MEX3A: variants seen among roughly 807,000 people sequenced by gnomAD.
MEX3A encodes the protein RNA-binding protein MEX3A.
A neutral mutation model predicts 30.0 loss-of-function variants in MEX3A; 4 were observed. The ratio of observed to expected loss-of-function variants is 0.13; its 90% CI spans 0.07 to 0.30. The LOEUF is 0.30. Ranked by LOEUF, MEX3A falls within the 10% of genes least tolerant of loss-of-function variation. MEX3A has a pLI of 1.00. For missense variants in MEX3A, 555 were observed against 736.7 expected (o/e 0.75, Z 2.86); for synonymous variants, 335 against 327.6 (o/e 1.02, Z -0.24).
Position 156,074,357 on chromosome 1 carries a change from G to A in MEX3A, c.*2217C>T, listed in dbSNP as rs1572297111. 1.4e-5 allele frequency: 2 copies of A among 146,804 alleles called. No homozygotes were observed. Among genetic ancestry groups the A allele is most frequent in the African/African-American group, 2.5e-5 (1 of 39,558 alleles). 9.1% of individuals were successfully genotyped at this position (146,804 alleles called of 1,614,324 possible). On this transcript the variant is annotated 3_prime_UTR_variant, in exon 2 of 2. Transcript: ENST00000532414. ...CCAGGTTCTTTGCTACATTTATATG[G>A]TAATAAACGCCTTTATTAAAATAGA...
chr1:156,081,956 C>A lies in MEX3A; in HGVS notation c.43G>T (p.Gly15Cys). The change falls in exon 1 of 2, where the codon GGC becomes TGC. Residue 15 changes from glycine (G) to cysteine (C), a missense_variant. By Grantham distance (159) the Gly-to-Cys change is radical (BLOSUM62 -3). Transcript: ENST00000532414. ...VVSGIMERNG[G>C]FGELGCFGGS... The stretch of plus-strand genomic sequence containing the variant: ...CCGAAACATCCTAGTTCTCCAAAGC[C>A]CCCATTTCTTTCCATTATTCCAGAT... The A allele has an allele frequency of 6.5e-7, 1 of 1,538,326 alleles. No homozygotes were observed. Among genetic ancestry groups the A allele is most frequent in the South Asian group, 1.2e-5 (1 of 82,282 alleles).
rs1336417867 is a variant in MEX3A, at chr1:156,074,054, C to T, written c.*2520G>A. The T allele has an allele frequency of 2.0e-5, 3 of 152,522 alleles. No homozygotes were observed. The highest frequency in any genetic ancestry group is 2.0e-4 in the Admixed American group (3 of 15,266). The allele number at this position is 152,522 out of a possible 1,614,324, so 9.4% of individuals were successfully genotyped here. On this transcript the variant is annotated 3_prime_UTR_variant, in exon 2 of 2. Transcript: ENST00000532414. Reference sequence around the variant, plus strand: ...TCCCCCAGCTCCTCTCTCCACCATTCACCCCCGGGATGCTCCCCCAAGAAA... The same window carrying T: ...TCCCCCAGCTCCTCTCTCCACCATTTACCCCCGGGATGCTCCCCCAAGAAA...
rs1648101346 is a variant in MEX3A at position 156,077,178 on chromosome 1, G to A, written c.959C>T (p.Ala320Val). Residue 320 changes from alanine (A) to valine (V), a missense_variant, in exon 2 of 2, where the codon GCC becomes GTC. Transcript: ENST00000532414. This position sits in a 1 kb window ranked among gnomAD's most constrained non-coding sequence, Gnocchi z 8.3. Reference sequence around the variant, plus strand: ...GCAGCCGGGCTGGTGCACCCGCCAGGCGTCGGAGTAGCGGCTATCGATTGC... The same window carrying A: ...GCAGCCGGGCTGGTGCACCCGCCAGACGTCGGAGTAGCGGCTATCGATTGC... ...DAAIDSRYSD[A>V]WRVHQPGCKP... is the part of the protein sequence containing the mutation. 4 of 1,613,486 alleles carry A rather than the reference G, an allele frequency of 2.5e-6. No homozygotes were observed. The East Asian group carries it at 8.9e-5, about 36-fold the overall frequency.
At position 156,076,930 on chromosome 1, in the gene MEX3A, C is replaced by G; in HGVS notation, c.1207G>C (p.Val403Leu). 1 of 1,598,856 alleles carries G rather than the reference C, an allele frequency of 6.3e-7. No individual in the cohort carries two copies. Reference sequence around the variant, plus strand: ...GAGGAGGAGGCAGAGGAGAAGAGCACGGAGGTGGGCGTGGCGTTCTCCTGG... The same window carrying G: ...GAGGAGGAGGCAGAGGAGAAGAGCAGGGAGGTGGGCGTGGCGTTCTCCTGG... ...AGQENATPTS[V>L]LFSSASSSSS... Residue 403 changes from valine (V) to leucine (L), a missense_variant, in exon 2 of 2, where the codon GTG becomes CTG. Physicochemically the swap from Val to Leu is conservative, Grantham distance 32. Transcript: ENST00000532414. This position sits in a 1 kb window ranked among gnomAD's most constrained non-coding sequence, Gnocchi z 6.0.
Position 156,077,270 on chromosome 1 carries a change from C to G in MEX3A, c.867G>C (p.Ala289=). The change falls in exon 2 of 2, where the codon GCG becomes GCC. Residue 289 remains alanine (A), a synonymous_variant. Transcript: ENST00000532414. The surrounding 1 kb of genome is among the most constrained non-coding windows in gnomAD (Gnocchi z 8.3). ...RAREEIETHI[A]VRTGKILEYN... is the part of the protein sequence containing the mutation. ...ACTCGAGGATCTTGCCAGTGCGCAC[C>G]GCGATGTGCGTCTCGATCTCCTCGC... 1.2e-6 allele frequency: 2 copies of G among 1,613,918 alleles called. No individual in the cohort carries two copies. Among genetic ancestry groups the G allele is most frequent in the Non-Finnish European group, 1.7e-6 (2 of 1,179,858 alleles).
At chr1:156,080,711 C>A (rs1415999779) in intron 1 of MEX3A, among the ~76,000 whole-genome samples, 4 of 151,916 alleles carry the variant, frequency 2.6e-5, no homozygotes, top group African/African-American at 9.7e-5. Context: ...TTCTGCACCC[C>A]CTCCCAACAC....
chr1:156,081,674 C>T lies in MEX3A; in HGVS notation c.325G>A (p.Gly109Arg), dbSNP rs1270092236. The change falls in exon 1 of 2, where the codon GGG (glycine) becomes AGG (arginine). Residue 109 changes from glycine to arginine, a missense_variant. Physicochemically the swap from Gly to Arg is moderately radical, Grantham distance 125. Coordinates refer to ENST00000532414, the MANE Select transcript of MEX3A (RefSeq NM_001093725.2). Reference protein sequence around the residue: ...QTPQPPTAPKGASDAKLCALY... With the variant: ...QTPQPPTAPKRASDAKLCALY... The stretch of plus-strand genomic sequence containing the variant: ...GCGCAGAGCTTGGCGTCGCTCGCCC[C>T]TTTGGGGGCGGTGGGGGGCTGGGGC... The T allele has an allele frequency of 3.4e-6, 5 of 1,490,566 alleles. No individual in the cohort carries two copies. Among genetic ancestry groups the T allele is most frequent in the Non-Finnish European group, 4.5e-6 (5 of 1,120,186 alleles). The allele number at this position is 1,490,566 out of a possible 1,614,324, so 92.3% of individuals were successfully genotyped here. A position where few individuals can be genotyped will look rare whatever the true frequency, so the allele number is the denominator to read the frequency against.
chr1:156,076,413 G>GT lies in MEX3A; in HGVS notation c.*160_*161insA. On this transcript the variant is annotated 3_prime_UTR_variant, in exon 2 of 2. Coordinates refer to ENST00000532414, the MANE Select transcript of MEX3A (RefSeq NM_001093725.2). This position sits in a 1 kb window ranked among gnomAD's most constrained non-coding sequence, Gnocchi z 6.0. ...AGGGTGACCAGAGGCTCTGAAAGTG[G>GT]CGCACCCTCCAGCCACCACTGCCTC... 1.4e-6 allele frequency: 1 copy of GT among 717,270 alleles called. No individual in the cohort carries two copies. The highest frequency in any genetic ancestry group is 2.1e-5 in the South Asian group (1 of 47,850). 44.4% of individuals were successfully genotyped at this position (717,270 alleles called of 1,614,324 possible). A position where few individuals can be genotyped will look rare whatever the true frequency, so the allele number is the denominator to read the frequency against.
At position 156,081,716 on chromosome 1, in the gene MEX3A, CCGCCGTCGGGGCGGCCGGGGG is replaced by C. The variant is rs1162190911; in HGVS notation, c.262_282del (p.Pro88_Ala94del). ...GGCTGGGGCGTCTGCGCTGCGGGGG[CCGCCGTCGGGGCGGCCGGGGG>C]CGCCGCGGGCGGCGGCGGCGGGGCC... On this transcript the variant is annotated inframe_deletion, in exon 1 of 2. Transcript: ENST00000532414. 2.7e-6 allele frequency: 3 copies of C among 1,111,384 alleles called. No homozygotes were observed. The highest frequency in any genetic ancestry group is 3.8e-5 in the South Asian group (1 of 26,068). The allele number at this position is 1,111,384 out of a possible 1,614,324, so 68.8% of individuals were successfully genotyped here.
chr1:156,076,609 T>C lies in MEX3A; in HGVS notation c.1528A>G (p.Ile510Val), dbSNP rs2102776176. 6.2e-7 allele frequency: 1 copy of C among 1,613,450 alleles called. No homozygotes were observed. The highest frequency in any genetic ancestry group is 8.5e-7 in the Non-Finnish European group (1 of 1,179,570). The change falls in exon 2 of 2, where the codon ATC becomes GTC. Residue 510 changes from isoleucine (I) to valine (V), a missense_variant. Physicochemically the swap from Ile to Val is conservative, Grantham distance 29 (BLOSUM62 3). Around this residue, in one of 6 missense-constraint regions of MEX3A, gnomAD observed 15 missense variants for 59.4 expected, o/e 0.25. Transcript: ENST00000532414. The surrounding 1 kb of genome is among the most constrained non-coding windows in gnomAD (Gnocchi z 6.0). ...RTDPECPVCH[I>V]TATQAIRIFS ...ATTCGGATGGCTTGCGTGGCTGTGA[T>C]GTGGCAGACGGGACACTCTGGGTCC...
intron 1 of MEX3A, among the ~76,000 whole-genome samples, chr1:156,078,592 A>G (rs961897513): frequency 6.6e-6 from 1 of 151,810 alleles, no homozygotes; most frequent in Admixed American, 6.6e-5. Context: ...AAATGAGACA[A>G]AGAGAGACAA....
chr1:156,081,921 A>G lies in MEX3A; in HGVS notation c.78T>C (p.Ala26=). ...FGELGCFGGS[A]KDRGLLEDER... ...CGTCTTCCAGCAGCCCTCGGTCCTTAGCGCTTCCCCCGAAACATCCTAGTT... is the reference window on the plus strand; with the variant it reads ...CGTCTTCCAGCAGCCCTCGGTCCTTGGCGCTTCCCCCGAAACATCCTAGTT... Residue 26 remains alanine, a synonymous_variant, in exon 1 of 2, where the codon GCT becomes GCC. Transcript: ENST00000532414. 1 of 1,529,806 alleles carries G rather than the reference A, an allele frequency of 6.5e-7. No homozygotes were observed. Among genetic ancestry groups the G allele is most frequent in the South Asian group, 1.2e-5 (1 of 82,128 alleles). The allele number at this position is 1,529,806 out of a possible 1,614,324, so 94.8% of individuals were successfully genotyped here.
intron 1 of MEX3A, among the ~76,000 whole-genome samples, chr1:156,079,695 C>T (rs1350494825): frequency 4.6e-5 from 7 of 152,168 alleles, no homozygotes; most frequent in Admixed American, 2.6e-4. Flanking sequence ...GTGAACTCCC[C>T]TCTCCTACCA....
Position 156,077,526 on chromosome 1 carries a change from C to T in MEX3A, c.611G>A (p.Arg204His). The T allele has an allele frequency of 6.2e-7, 1 of 1,612,436 alleles. No homozygotes were observed. The highest frequency in any genetic ancestry group is 8.5e-7 in the Non-Finnish European group (1 of 1,179,262). ...GGCGCCTGACTTGTTGCGGGAGGCA[C>T]GGATCATGGAGAAGTGCTCCGCTGC... Reference protein sequence around the residue: ...ISAAEHFSMIRASRNKSGAAF... With the variant: ...ISAAEHFSMIHASRNKSGAAF... The change falls in exon 2 of 2, where the codon CGT (arginine) becomes CAT (histidine). Residue 204 changes from arginine (R) to histidine (H), a missense_variant. By Grantham distance (29) the Arg-to-His change is conservative. Transcript: ENST00000532414. This position sits in a 1 kb window ranked among gnomAD's most constrained non-coding sequence, Gnocchi z 8.3.
At position 156,073,259 on chromosome 1, in the gene MEX3A, T is replaced by C. The variant is rs1426710675; in HGVS notation, c.*3315A>G. The C allele has an allele frequency of 6.5e-6, 1 of 152,868 alleles. No homozygotes were observed. The highest frequency in any genetic ancestry group is 1.5e-5 in the Non-Finnish European group (1 of 68,116). The allele number at this position is 152,868 out of a possible 1,614,324, so 9.5% of individuals were successfully genotyped here. A position where few individuals can be genotyped will look rare whatever the true frequency, so the allele number is the denominator to read the frequency against. On this transcript the variant is annotated 3_prime_UTR_variant, in exon 2 of 2. Coordinates refer to ENST00000532414, the MANE Select transcript of MEX3A (RefSeq NM_001093725.2). ...CCCAGGTACTAGGGGTGCAGGTGAA[T>C]GTGCTTGGCCTCCTCTGCTGCCCCC...
chr1:156,076,989 C>G lies in MEX3A; in HGVS notation c.1148G>C (p.Gly383Ala). ...YGVGKQDVYY[G>A]VAETSPPLWA... ...CAGCGGGGGGCTAGTCTCGGCCACG[C>G]CGTAGTACACATCCTGCTTGCCCAC... Residue 383 changes from glycine (G) to alanine (A), a missense_variant, in exon 2 of 2, where the codon GGC becomes GCC. Around this residue, in one of 6 missense-constraint regions of MEX3A, gnomAD observed 281 missense variants for 265.1 expected, o/e 1.06. Transcript: ENST00000532414. The surrounding 1 kb of genome is among the most constrained non-coding windows in gnomAD (Gnocchi z 6.0). The G allele has an allele frequency of 1.2e-6, 2 of 1,613,164 alleles. No homozygotes were observed. Among genetic ancestry groups the G allele is most frequent in the Non-Finnish European group, 1.7e-6 (2 of 1,179,712 alleles).
At chr1:156,078,074 C>T (rs1172364941) in intron 1 of MEX3A, among the ~76,000 whole-genome samples, 2 of 152,160 alleles carry the variant, frequency 1.3e-5, no homozygotes, top group Non-Finnish European at 2.9e-5. Flanking sequence ...CTACTGATTC[C>T]TGGCTACTCA....
Position 156,075,226 on chromosome 1 carries a change from C to T in MEX3A, c.*1348G>A, listed in dbSNP as rs902235377. 1 of 152,306 alleles carries T rather than the reference C, an allele frequency of 6.6e-6. No individual in the cohort carries two copies. Among genetic ancestry groups the T allele is most frequent in the African/African-American group, 2.4e-5 (1 of 41,398 alleles). 9.4% of individuals were successfully genotyped at this position (152,306 alleles called of 1,614,324 possible). A position where few individuals can be genotyped will look rare whatever the true frequency, so the allele number is the denominator to read the frequency against. On this transcript the variant is annotated 3_prime_UTR_variant, in exon 2 of 2. Transcript: ENST00000532414. ...AACCACATCAGGTGGGACACAGACT[C>T]CATGATTTGCATGGAGGATTCAAGC...
chr1:156,073,680 ATTCTT>A lies in MEX3A; in HGVS notation c.*2889_*2893del, dbSNP rs1202974608. 1.3e-5 allele frequency: 2 copies of A among 151,836 alleles called. No individual in the cohort carries two copies. Among genetic ancestry groups the A allele is most frequent in the South Asian group, 2.1e-4 (1 of 4,822 alleles). The allele number at this position is 151,836 out of a possible 1,614,324, so 9.4% of individuals were successfully genotyped here. On this transcript the variant is annotated 3_prime_UTR_variant, in exon 2 of 2. Transcript: ENST00000532414. ...TTATTAATAATTATTATTTTGTAGT[ATTCTT>A]TTCTTTTAAACCCCTCGGTTTCTCT...
Sources: gnomAD v4.1 joint callset for allele counts (sites outside exome capture counted in the v4.1 genomes callset) on GRCh38, gnomAD v4.1.1 for gene constraint, gnomAD v4.1.1 regional missense constraint, Gnocchi (gnomAD v3.1) non-coding constraint, MANE v1.5 for transcripts, NCBI Gene and HGNC (gene_info 2026-07-23, HGNC 2026-07-21) for gene names.